Variants in CACNA1H observed in about 807,000 individuals in gnomAD.
The protein encoded by CACNA1H is voltage-dependent T-type calcium channel subunit alpha-1H.
In CACNA1H, 149 loss-of-function variants were observed where a neutral mutation model predicts 192.5. The ratio of observed to expected loss-of-function variants is 0.77; its 90% CI spans 0.68 to 0.89. The LOEUF is 0.89. CACNA1H is among the 40% of genes least tolerant of loss of function. The probability of loss-of-function intolerance (pLI) is 0.00; values close to 1 mark genes in which losing one functional copy is unlikely to be tolerated. For missense variants in CACNA1H, 4,257 were observed against 3,423.5 expected (o/e 1.24, Z -6.08); for synonymous variants, 2,202 against 1,475.2 (o/e 1.49, Z -11.29).
rs751888328 is a variant in CACNA1H at position 1,221,001 on chromosome 16, G to A, written c.*7G>A. The A allele has an allele frequency of 3.1e-5, 49 of 1,556,588 alleles. No homozygotes were observed. The highest frequency in any genetic ancestry group is 4.2e-5 in the Non-Finnish European group (48 of 1,154,912). On this transcript the variant is annotated 3_prime_UTR_variant, in exon 35 of 35. Coordinates refer to ENST00000348261, the MANE Select transcript of CACNA1H (RefSeq NM_021098.3). ...TGCAGATGACCCCGTGTAGCTCGGG[G>A]CTTGGTGCCGCCCACGGCTTTGGCC... is the stretch of plus-strand genomic sequence containing the variant.
rs764371721 is a variant in CACNA1H, at chr16:1,200,802, C to T, written c.1206C>T (p.Leu402=). The T allele has an allele frequency of 1.4e-5, 22 of 1,551,220 alleles. No homozygotes were observed. Among genetic ancestry groups the T allele is most frequent in the Non-Finnish European group, 1.9e-5 (22 of 1,146,912 alleles). Residue 402 remains leucine, a synonymous_variant, in exon 8 of 35, where the codon CTC becomes CTT. Transcript: ENST00000348261. ...SFYNFIYFIL[L]IIVGSFFMIN... is the part of the protein sequence containing the mutation. Reference sequence around the variant, plus strand: ...ACAACTTCATCTATTTCATCCTGCTCATCATCGTGAGTGTGGGCGGCAGTG... The same window carrying T: ...ACAACTTCATCTATTTCATCCTGCTTATCATCGTGAGTGTGGGCGGCAGTG...
At chr16:1,160,740 C>T (rs529736272) in intron 2 of CACNA1H, among the ~76,000 whole-genome samples, 3 of 152,278 alleles carry the variant, frequency 2.0e-5, no homozygotes, top group African/African-American at 4.8e-5. Context: ...ATGTGCTCCA[C>T]GAGGCCTCCT....
chr16:1,195,713 G>T, intron 4 of CACNA1H, 148 bp downstream of exon 4: 1 of 1,058,700 alleles, frequency 9.4e-7, no homozygotes. Context: ...GGACTCCGGA[G>T]ACCCTCCCTC....
At chr16:1,186,938 T>C (rs181981018) in intron 2 of CACNA1H, among the ~76,000 whole-genome samples, 11 of 152,282 alleles carry the variant, frequency 7.2e-5, no homozygotes, top group African/African-American at 2.6e-4. Context: ...GACACAGGGC[T>C]GGTTCCCGGG....
intron 2 of CACNA1H, among the ~76,000 whole-genome samples, chr16:1,163,477 C>T (rs1345721959): frequency 6.6e-6 from 1 of 152,244 alleles, no homozygotes; most frequent in Non-Finnish European, 1.5e-5. Context: ...CCCGGCCTGC[C>T]TCAGAGGGGA....
Position 1,220,863 on chromosome 16 carries a change from C to T in CACNA1H, c.6931C>T (p.Pro2311Ser), listed in dbSNP as rs747065457. 8.1e-6 allele frequency: 13 copies of T among 1,612,656 alleles called. No individual in the cohort carries two copies. The highest frequency in any genetic ancestry group is 5.3e-5 in the African/African-American group (4 of 74,920). ...CCTGGAACCCCCAGAATCAGAGCCTCCCATGCCCGTCGGTGACCCCCCAGA... is the reference window on the plus strand; with the variant it reads ...CCTGGAACCCCCAGAATCAGAGCCTTCCATGCCCGTCGGTGACCCCCCAGA... The part of the protein sequence containing the change: ...VPLEPPESEP[P>S]MPVGDPPEKR... The change falls in exon 35 of 35, where the codon CCC (proline) becomes TCC (serine). Residue 2311 changes from proline (P) to serine (S), a missense_variant. Coordinates refer to ENST00000348261, the MANE Select transcript of CACNA1H (RefSeq NM_021098.3).
chr16:1,201,648 C>G lies in CACNA1H; in HGVS notation c.1213-15C>G, dbSNP rs1463678001. 7.7e-6 allele frequency: 12 copies of G among 1,564,284 alleles called. No individual in the cohort carries two copies. The highest frequency in any genetic ancestry group is 1.4e-5 in the African/African-American group (1 of 73,958). On this transcript the variant is annotated splice_polypyrimidine_tract_variant and intron_variant, in intron 8 of 34. Transcript: ENST00000348261. ...CGCTCACTCACTGCCACTTACCCGC[C>G]CGCCCCCGTCACAGGTGGGCTCCTT...
chr16:1,201,023 C>G (rs905426673), intron 8 of CACNA1H, among the ~76,000 whole-genome samples: 1 of 152,086 alleles, frequency 6.6e-6, no homozygotes, highest in Non-Finnish European at 1.5e-5. Flanking sequence ...CCTGTGGGTG[C>G]TGGCTCAGGG....
intron 7 of CACNA1H, 44 bp from the exon 8 acceptor site, chr16:1,200,672 G>A: frequency 1.3e-6 from 2 of 1,576,788 alleles, no homozygotes; most frequent in Non-Finnish European, 1.7e-6. Context: ...CGGGGAGGAG[G>A]AGGAGGGGTC....
In CACNA1H at chr16:1,200,609, C is replaced by T. The variant is rs764598327; in HGVS notation, c.1119+38C>T. On this transcript the variant is annotated intron_variant, in intron 7 of 34. Coordinates refer to ENST00000348261, the MANE Select transcript of CACNA1H (RefSeq NM_021098.3). ...ATGGTGGGACGGGGACCCTGGGGCA[C>T]GGCAGGGGAGCGGGTGCAGGACTCG... is the stretch of plus-strand genomic sequence containing the variant. 53 of 1,605,432 alleles carry T rather than the reference C, an allele frequency of 3.3e-5. 1 individual carries two copies. Among genetic ancestry groups the T allele is most frequent in the South Asian group, 7.7e-5 (7 of 90,942 alleles).
At chr16:1,215,425 G>T in intron 29 of CACNA1H, 50 bp downstream of exon 29, 19 of 1,002,030 alleles carry the variant, frequency 1.9e-5, no homozygotes, top group Non-Finnish European at 2.8e-5. Context: ...GAGGGTGGGG[G>T]CTCAGCCATG....
chr16:1,182,785 T>C (rs1965603048), intron 2 of CACNA1H, among the ~76,000 whole-genome samples: 1 of 152,242 alleles, frequency 6.6e-6, no homozygotes, highest in Admixed American at 6.5e-5. Context: ...TCAGTCACTG[T>C]GGCGGGGACC....
In CACNA1H at chr16:1,153,961, TGGC is replaced by T; in HGVS notation, c.228_230del (p.Ala77del). 1 of 1,449,020 alleles carries T rather than the reference TGGC, an allele frequency of 6.9e-7. No individual in the cohort carries two copies. Among genetic ancestry groups the T allele is most frequent in the Non-Finnish European group, 9.1e-7 (1 of 1,100,980 alleles). The allele number at this position is 1,449,020 out of a possible 1,614,324, so 89.8% of individuals were successfully genotyped here. A position where few individuals can be genotyped will look rare whatever the true frequency, so the allele number is the denominator to read the frequency against. Reference sequence around the variant, plus strand: ...GAGCAGCGCGTCCCGTACCCGGCCTTGGCGGCCACGGTCTTCTTCTGCCTCGGT... The same window carrying T: ...GAGCAGCGCGTCCCGTACCCGGCCTTGGCCACGGTCTTCTTCTGCCTCGGT... On this transcript the variant is annotated inframe_deletion, in exon 2 of 35. Transcript: ENST00000348261.
chr16:1,163,252 G>C (rs1206475783), intron 2 of CACNA1H, among the ~76,000 whole-genome samples: 1 of 152,254 alleles, frequency 6.6e-6, no homozygotes, highest in Non-Finnish European at 1.5e-5. Context: ...GGGCAGTGGG[G>C]GTGGCCTCGG....
intron 16 of CACNA1H, 67 bp from the exon 17 acceptor site, chr16:1,208,965 C>G: frequency 7.3e-7 from 1 of 1,372,502 alleles, no homozygotes; most frequent in East Asian, 2.8e-5. Context: ...ACAGTGGGTG[C>G]TCCGTAATGA....
At chr16:1,158,443 G>T (rs1357587535) in intron 2 of CACNA1H, among the ~76,000 whole-genome samples, 1 of 152,184 alleles carries the variant, frequency 6.6e-6, no homozygotes, top group African/African-American at 2.4e-5. Flanking sequence ...GGCCCCCGGG[G>T]ATGATGGCAG....
intron 2 of CACNA1H, among the ~76,000 whole-genome samples, chr16:1,190,970 C>T (rs549078866): frequency 6.7e-6 from 1 of 148,338 alleles, no homozygotes; most frequent in Admixed American, 6.7e-5. Flanking sequence ...GCCTCAGGCA[C>T]ACTCGGGGTT....
chr16:1,196,272 C>T (rs1367810718), intron 5 of CACNA1H, among the ~76,000 whole-genome samples: 1 of 152,266 alleles, frequency 6.6e-6, no homozygotes, highest in Admixed American at 6.5e-5. Flanking sequence ...TCCCACACAG[C>T]CGAGTGACAG....
In CACNA1H at chr16:1,204,310, C is replaced by A. The variant is rs957641440; in HGVS notation, c.2303C>A (p.Ala768Asp). ...CAGCGGCGGGCACAGCAGAGGGCAGCCCCGGGCGAGCCAGGCTGGATGGGC... is the reference window on the plus strand; with the variant it reads ...CAGCGGCGGGCACAGCAGAGGGCAGACCCGGGCGAGCCAGGCTGGATGGGC... ...SPQRRAQQRA[A>D]PGEPGWMGRL... Residue 768 changes from alanine (A) to aspartate (D), a missense_variant, in exon 10 of 35, where the codon GCC becomes GAC. Physicochemically the swap from Ala to Asp is moderately radical, Grantham distance 126 (BLOSUM62 -2). Coordinates refer to ENST00000348261, the MANE Select transcript of CACNA1H (RefSeq NM_021098.3). 2 of 1,600,102 alleles carry A rather than the reference C, an allele frequency of 1.2e-6. No homozygotes were observed. Among genetic ancestry groups the A allele is most frequent in the Non-Finnish European group, 1.7e-6 (2 of 1,172,454 alleles).
Sources: allele counts gnomAD v4.1 joint callset (sites outside exome capture counted in the v4.1 genomes callset), GRCh38; gene constraint gnomAD v4.1.1; transcripts MANE v1.5; gene names NCBI Gene and HGNC (gene_info 2026-07-23, HGNC 2026-07-21).